Variants in CACNA1C observed in about 807,000 individuals in gnomAD.
The protein encoded by CACNA1C is voltage-dependent L-type calcium channel subunit alpha-1C.
CACNA1C carries 30 observed loss-of-function variants against 229.0 expected under a neutral mutation model. That is an observed-to-expected ratio of 0.13 (90% CI 0.10 to 0.18). The LOEUF (loss-of-function observed/expected upper bound fraction) is 0.18, where lower values mean the gene tolerates loss of function less well. Ranked by LOEUF, CACNA1C falls within the 10% of genes least tolerant of loss-of-function variation. The pLI is 1.00. For synonymous variants in CACNA1C, 1,114 were observed against 1,132.5 expected (o/e 0.98, Z 0.33); for missense variants, 1,658 against 2,845.0 (o/e 0.58, Z 9.49).
rs142332550 is a variant in CACNA1C at position 2,143,257 on chromosome 12, C to T, written c.477+22827C>T. 2.3e-3 allele frequency among the ~76,000 whole-genome samples: 354 copies of T among 151,110 alleles called. 4 individuals carry two copies. Among genetic ancestry groups the T allele is most frequent in the African/African-American group, 8.2e-3 (341 of 41,414 alleles). ...TGCTGGGATTCCAGGTGTGAGCCAC[C>T]GCACCTGGCCTAGAAAATCTTTAAA... On this transcript the variant is annotated intron_variant, in intron 3 of 46. Coordinates refer to ENST00000399655, the MANE Select transcript of CACNA1C (RefSeq NM_000719.7).
chr12:2,136,997 T>C (rs1350437231), intron 3 of CACNA1C, among the ~76,000 whole-genome samples: 1 of 151,284 alleles, frequency 6.6e-6, no homozygotes, highest in Non-Finnish European at 1.5e-5. Flanking sequence ...CTTGGGGCCT[T>C]CATGGGACCC....
At chr12:2,511,453 G>C (rs141031278) in intron 8 of CACNA1C, among the ~76,000 whole-genome samples, 3 of 152,114 alleles carry the variant, frequency 2.0e-5, no homozygotes, top group African/African-American at 7.2e-5. Flanking sequence ...CTAGAGTGTG[G>C]CTTCAGCAAA....
chr12:2,458,575 T>C (rs2099462647), intron 5 of CACNA1C, among the ~76,000 whole-genome samples: 1 of 152,298 alleles, frequency 6.6e-6, no homozygotes, highest in Non-Finnish European at 1.5e-5. Flanking sequence ...TCAGCTCCAG[T>C]AGATTTGGCC....
At position 2,585,984 on chromosome 12, in the gene CACNA1C, T is replaced by TGGTCCAGTG; in HGVS notation, c.2530+80_2530+81insGGTCCAGTG. The TGGTCCAGTG allele has an allele frequency of 1.3e-6, 1 of 768,662 alleles. No individual in the cohort carries two copies. The highest frequency in any genetic ancestry group is 2.1e-6 in the Non-Finnish European group (1 of 476,016). 47.6% of individuals were successfully genotyped at this position (768,662 alleles called of 1,614,324 possible). A position where few individuals can be genotyped will look rare whatever the true frequency, so the allele number is the denominator to read the frequency against. ...TTCTAAAGCCACGTGGGAGTGGCCATATATTAGGGACCATGGTTCCAGTGT... is the reference window on the plus strand; with the variant it reads ...TTCTAAAGCCACGTGGGAGTGGCCATGGTCCAGTGATATTAGGGACCATGGTTCCAGTGT... On this transcript the variant is annotated intron_variant, in intron 18 of 46. Transcript: ENST00000399655. The surrounding 1 kb of genome is among the most constrained non-coding windows in gnomAD (Gnocchi z 4.1).
At chr12:2,571,786 A>G (rs932788121) in intron 13 of CACNA1C, among the ~76,000 whole-genome samples, 4 of 152,192 alleles carry the variant, frequency 2.6e-5, no homozygotes, top group African/African-American at 7.2e-5. Flanking sequence ...AGCAACAAAG[A>G]GACTAATTAG....
At chr12:2,052,567 G>T (rs770306599), upstream of CACNA1C, among the ~76,000 whole-genome samples, 63 of 147,640 alleles carry the variant, frequency 4.3e-4, no homozygotes, top group Non-Finnish European at 7.1e-4. Context: ...AGGCCGGCGC[G>T]GGGGGCGCGA....
At chr12:2,058,276 C>T (rs1247726966) in intron 1 of CACNA1C, among the ~76,000 whole-genome samples, 3 of 152,180 alleles carry the variant, frequency 2.0e-5, no homozygotes, top group Non-Finnish European at 4.4e-5. Flanking sequence ...GTAGGAGGTA[C>T]AGGTCAGCCG....
At chr12:2,184,210 T>C (rs2096929045) in intron 3 of CACNA1C, among the ~76,000 whole-genome samples, 1 of 152,222 alleles carries the variant, frequency 6.6e-6, no homozygotes, top group African/African-American at 2.4e-5. Context: ...GCTGGCTCTG[T>C]GTTTAGCAGC....
intron 3 of CACNA1C, among the ~76,000 whole-genome samples, chr12:2,371,169 G>T (rs1024550093): frequency 6.6e-6 from 1 of 152,192 alleles, no homozygotes; most frequent in Non-Finnish European, 1.5e-5. Context: ...CTAGATTTTG[G>T]GTAGGAGTGA....
chr12:2,594,096 C>T (rs1176957849), intron 19 of CACNA1C, among the ~76,000 whole-genome samples: 7 of 152,312 alleles, frequency 4.6e-5, no homozygotes, highest in Non-Finnish European at 7.4e-5. Flanking sequence ...AGTAACCTAA[C>T]GTTTATTTGT....
chr12:2,557,371 T>C (rs1487947623), intron 11 of CACNA1C, among the ~76,000 whole-genome samples: 1 of 152,186 alleles, frequency 6.6e-6, no homozygotes, highest in Admixed American at 6.5e-5. Context: ...GGAAAGCACG[T>C]AGGATTATGA....
chr12:2,050,800 A>C (rs924997901), upstream of CACNA1C, among the ~76,000 whole-genome samples: 8 of 152,220 alleles, frequency 5.3e-5, no homozygotes, highest in Non-Finnish European at 1.0e-4. Context: ...ACCACTGGAC[A>C]AAGGAAGGAA....
chr12:2,240,413 C>T (rs1157963871), intron 3 of CACNA1C, among the ~76,000 whole-genome samples: 1 of 152,206 alleles, frequency 6.6e-6, no homozygotes, highest in East Asian at 1.9e-4. Context: ...TTTTAGCAAT[C>T]TTCTGTTGGG....
rs538068743 is a variant in CACNA1C, at chr12:2,097,219, C to A, written c.50-18005C>A. 3.3e-5 allele frequency among the ~76,000 whole-genome samples: 5 copies of A among 152,206 alleles called. No homozygotes were observed. The East Asian group carries it at 9.7e-4, about 29-fold the overall frequency. ...GGAGTGCAGTGGCGCGATCTCGGCT[C>A]ACTGCAAGCTCCGCCTCCCAGGTTC... On this transcript the variant is annotated intron_variant, in intron 1 of 46. Transcript: ENST00000399655.
chr12:2,391,935 C>T (rs2098487105), intron 3 of CACNA1C, among the ~76,000 whole-genome samples: 1 of 152,236 alleles, frequency 6.6e-6, no homozygotes, highest in South Asian at 2.1e-4. Flanking sequence ...GGCCACCATG[C>T]TGCACAGCAC....
chr12:2,014,430 C>G (rs542806058), intron 1 of CACNA1C, among the ~76,000 whole-genome samples: 1 of 152,240 alleles, frequency 6.6e-6, no homozygotes, highest in Admixed American at 6.5e-5. Context: ...AATCACTTGT[C>G]CATTCAATGA....
intron 9 of CACNA1C, among the ~76,000 whole-genome samples, chr12:2,524,778 C>T (rs867541449): frequency 1.1e-4 from 16 of 152,288 alleles, no homozygotes; most frequent in Middle Eastern, 3.4e-3. Flanking sequence ...GCATTGCTCG[C>T]GACACACCAT....
intron 1 of CACNA1C, among the ~76,000 whole-genome samples, chr12:2,071,516 G>A (rs115684445): frequency 0.014 from 2,097 of 151,982 alleles, 51 homozygotes; most frequent in African/African-American, 0.048. Flanking sequence ...AGCTACTACC[G>A]CTCCCAGCCT....
At chr12:2,350,563 G>C (rs181134338) in intron 3 of CACNA1C, among the ~76,000 whole-genome samples, 1 of 152,310 alleles carries the variant, frequency 6.6e-6, no homozygotes, top group Non-Finnish European at 1.5e-5. Context: ...CACAATGATG[G>C]CAAACAGAAG....
Sources: gnomAD v4.1 joint callset for allele counts (sites outside exome capture counted in the v4.1 genomes callset) on GRCh38, gnomAD v4.1.1 for gene constraint, Gnocchi (gnomAD v3.1) non-coding constraint, MANE v1.5 for transcripts, NCBI Gene and HGNC (gene_info 2026-07-23, HGNC 2026-07-21) for gene names.